Variants in SLC24A3 observed in about 807,000 individuals in gnomAD.
The protein encoded by SLC24A3 is solute carrier family 24 member 3, also known as sodium/potassium/calcium exchanger 3.
A neutral mutation model predicts 75.8 loss-of-function variants in SLC24A3; 28 were observed. That is an observed-to-expected ratio of 0.37 (90% confidence interval 0.27 to 0.51). SLC24A3 has a LOEUF of 0.51. Ranked by LOEUF, SLC24A3 falls within the 20% of genes least tolerant of loss-of-function variation. SLC24A3 has a pLI of 0.94. For synonymous variants in SLC24A3, 372 were observed against 334.1 expected, an observed-to-expected ratio of 1.11 and a Z score of -1.24; for missense variants, 663 against 847.8, an observed-to-expected ratio of 0.78 and a Z score of 2.71.
At chr20:19,702,298 C>T (rs186706804) in intron 15 of SLC24A3, among the ~76,000 whole-genome samples, 53 of 152,318 alleles carry the variant, frequency 3.5e-4, no homozygotes, top group African/African-American at 1.2e-3. Flanking sequence ...TCTACTGACA[C>T]GGTGACATCA....
intron 6 of SLC24A3, among the ~76,000 whole-genome samples, chr20:19,610,399 G>C (rs1330595784): frequency 6.6e-6 from 1 of 152,150 alleles, no homozygotes; most frequent in Non-Finnish European, 1.5e-5. Context: ...GGCTGGGCTG[G>C]GACCCCACAG....
At chr20:19,468,393 C>T (rs1232185144) in intron 2 of SLC24A3, among the ~76,000 whole-genome samples, 2 of 151,940 alleles carry the variant, frequency 1.3e-5, no homozygotes, top group African/African-American at 2.4e-5. Flanking sequence ...CCTCAGAATC[C>T]GAGTTCACCA....
chr20:19,330,187 C>G (rs1984967400), intron 2 of SLC24A3, among the ~76,000 whole-genome samples: 1 of 152,158 alleles, frequency 6.6e-6, no homozygotes, highest in African/African-American at 2.4e-5. Context: ...TGTCTCCTGG[C>G]CAGAGGTTTC....
intron 2 of SLC24A3, among the ~76,000 whole-genome samples, chr20:19,377,479 G>A (rs967548122): frequency 3.9e-5 from 6 of 152,298 alleles, no homozygotes; most frequent in South Asian, 2.1e-4. Flanking sequence ...TTTTGGTGAC[G>A]TTCTAGAACA....
intron 9 of SLC24A3, among the ~76,000 whole-genome samples, chr20:19,679,892 A>T (rs995405192): frequency 2.6e-5 from 4 of 151,564 alleles, no homozygotes; most frequent in African/African-American, 9.7e-5. Flanking sequence ...TTTTCCTTGC[A>T]CTTTGTTCTT....
chr20:19,709,161 T>G (rs920666141), intron 15 of SLC24A3, among the ~76,000 whole-genome samples: 1 of 152,134 alleles, frequency 6.6e-6, no homozygotes, highest in Non-Finnish European at 1.5e-5. Context: ...AATGACTCCA[T>G]CCGAGGGGCA....
chr20:19,562,729 T>C (rs983763574), intron 3 of SLC24A3, among the ~76,000 whole-genome samples: 3 of 152,194 alleles, frequency 2.0e-5, no homozygotes, highest in South Asian at 4.1e-4. Context: ...CAGCCTCAGA[T>C]TGGGCCCCTA....
At chr20:19,579,091 T>A (rs2031181835) in intron 3 of SLC24A3, among the ~76,000 whole-genome samples, 1 of 152,150 alleles carries the variant, frequency 6.6e-6, no homozygotes, top group South Asian at 2.1e-4. Flanking sequence ...GAATACTACA[T>A]ACTGATTGAC....
chr20:19,693,309 G>A lies in SLC24A3; in HGVS notation c.1375G>A (p.Val459Ile). 2 of 1,613,862 alleles carry A rather than the reference G, an allele frequency of 1.2e-6. No homozygotes were observed. Among genetic ancestry groups the A allele is most frequent in the East Asian group, 2.2e-5 (1 of 44,866 alleles). The change falls in exon 13 of 17, where the codon GTC becomes ATC. Residue 459 changes from valine to isoleucine, a missense_variant. By Grantham distance (29) the Val-to-Ile change is conservative (BLOSUM62 3). Around this residue, in one of 2 missense-constraint regions of SLC24A3, gnomAD observed 510 missense variants for 703.6 expected, o/e 0.72. Coordinates refer to ENST00000328041, the MANE Select transcript of SLC24A3 (RefSeq NM_020689.4). ...GGCGTTCACCTGGCCGCTGAGTTTC[G>A]TCTTATACTTCACTGTACCCAACTG... Reference protein sequence around the residue: ...KWAFTWPLSFVLYFTVPNCNK... With the variant: ...KWAFTWPLSFILYFTVPNCNK...
At chr20:19,220,896 G>GGGA (rs1981691071) in intron 1 of SLC24A3, among the ~76,000 whole-genome samples, 1 of 152,156 alleles carries the variant, frequency 6.6e-6, no homozygotes, top group South Asian at 2.1e-4. Flanking sequence ...AAGGGTTAAA[G>GGGA]GTTATTCTTT....
chr20:19,541,557 C>T (rs1044694344), intron 3 of SLC24A3, among the ~76,000 whole-genome samples: 2 of 152,206 alleles, frequency 1.3e-5, no homozygotes, highest in African/African-American at 4.8e-5. Context: ...CCGCGCCCTC[C>T]GCCCCCATCC....
At chr20:19,503,754 C>T (rs1302710497) in intron 2 of SLC24A3, among the ~76,000 whole-genome samples, 1 of 152,184 alleles carries the variant, frequency 6.6e-6, no homozygotes, top group East Asian at 1.9e-4. Context: ...TACGCATATT[C>T]TTAGATATTT....
chr20:19,236,213 G>A (rs1481522095), intron 1 of SLC24A3, among the ~76,000 whole-genome samples: 6 of 152,168 alleles, frequency 3.9e-5, no homozygotes, highest in Non-Finnish European at 8.8e-5. Flanking sequence ...AGTCAAGTAG[G>A]GAGAATGGGC....
Position 19,449,441 on chromosome 20 carries a change from A to C in SLC24A3, c.272-66047A>C, listed in dbSNP as rs774775210. ...GCCGAAGACACACATTTCCAGGAAGATCAACCTGACAGAGTCCTAGGCTGG... is the reference window on the plus strand; with the variant it reads ...GCCGAAGACACACATTTCCAGGAAGCTCAACCTGACAGAGTCCTAGGCTGG... On this transcript the variant is annotated intron_variant, in intron 2 of 16. Coordinates refer to ENST00000328041, the MANE Select transcript of SLC24A3 (RefSeq NM_020689.4). 5.3e-5 allele frequency among the ~76,000 whole-genome samples: 8 copies of C among 152,234 alleles called. No homozygotes were observed. In the East Asian group the frequency reaches 1.5e-3, roughly 29 times the overall value.
Position 19,363,775 on chromosome 20 carries a change from AT to A in SLC24A3, c.271+82695del, listed in dbSNP as rs570150140. Among the ~76,000 whole-genome samples, 144 of 152,142 alleles carry A rather than the reference AT, an allele frequency of 9.5e-4. 2 individuals are homozygous for A. Among genetic ancestry groups the A allele is most frequent in the Non-Finnish European group, 4.0e-4 (27 of 68,000 alleles). Reference sequence around the variant, plus strand: ...ATTGGATGTTTTAAAAAAGCAAAGGATTTTTTTCTTTGTATGTTACACGTAT... The same window carrying A: ...ATTGGATGTTTTAAAAAAGCAAAGGATTTTTTCTTTGTATGTTACACGTAT... On this transcript the variant is annotated intron_variant, in intron 2 of 16. Coordinates refer to ENST00000328041, the MANE Select transcript of SLC24A3 (RefSeq NM_020689.4).
chr20:19,678,352 T>A (rs1467703962), intron 9 of SLC24A3, among the ~76,000 whole-genome samples: 3 of 93,238 alleles, frequency 3.2e-5, no homozygotes, highest in African/African-American at 4.5e-5. Flanking sequence ...CCCCCCCACC[T>A]CCCTCCCGGA....
intron 2 of SLC24A3, among the ~76,000 whole-genome samples, chr20:19,432,657 T>TG (rs1305147535): frequency 3.9e-4 from 59 of 152,312 alleles, no homozygotes; most frequent in African/African-American, 1.3e-3. Flanking sequence ...GAGAGTCAGG[T>TG]AATATTGCAC....
At chr20:19,611,513 G>A (rs1308230163) in intron 6 of SLC24A3, among the ~76,000 whole-genome samples, 1 of 152,178 alleles carries the variant, frequency 6.6e-6, no homozygotes, top group Non-Finnish European at 1.5e-5. Context: ...ATGGAAATGG[G>A]AAAATATACC....
intron 6 of SLC24A3, among the ~76,000 whole-genome samples, chr20:19,592,772 C>T (rs899969413): frequency 2.7e-5 from 4 of 148,976 alleles, no homozygotes; most frequent in African/African-American, 7.4e-5. Flanking sequence ...CCTACATCTT[C>T]GGCAAAAATT....
Sources: allele counts gnomAD v4.1 joint callset (sites outside exome capture counted in the v4.1 genomes callset), GRCh38; gene constraint gnomAD v4.1.1; regional missense constraint gnomAD v4.1.1; transcripts MANE v1.5; gene names NCBI Gene and HGNC (gene_info 2026-07-23, HGNC 2026-07-21).